The following KLF12 variants were observed in gnomAD, a reference collection of about 807,000 sequenced individuals.
KLF12 encodes Krueppel-like factor 12.
In KLF12, 9 loss-of-function variants were observed where a neutral mutation model predicts 37.8. The observed-to-expected ratio is 0.24, with a 90% confidence interval of 0.14 to 0.42. The LOEUF (loss-of-function observed/expected upper bound fraction) is 0.42. Among genes scored for constraint, KLF12 ranks in the 10% least tolerant of loss-of-function variants. The pLI, the probability that KLF12 is intolerant of heterozygous loss-of-function variation, is 1.00. For synonymous variants in KLF12, 208 were observed against 202.1 expected (o/e 1.03, Z -0.25); for missense variants, 411 against 516.0 (o/e 0.80, Z 1.97).
chr13:74,184,603 A>G, the KLF12 span, among the ~76,000 whole-genome samples: 3 of 152,246 alleles, frequency 2.0e-5, no homozygotes, highest in African/African-American at 4.8e-5. Flanking sequence ...TTTCTCCATT[A>G]TAAAATCTTC....
At chr13:74,005,913 A>G (rs970207153) in intron 1 of KLF12, among the ~76,000 whole-genome samples, 6 of 152,182 alleles carry the variant, frequency 3.9e-5, no homozygotes, top group Non-Finnish European at 7.3e-5. Context: ...ACTACATACT[A>G]CTACTTCAAG....
chr13:74,089,143 T>C (rs780128799), intron 1 of KLF12, among the ~76,000 whole-genome samples: 34 of 152,180 alleles, frequency 2.2e-4, no homozygotes, highest in Non-Finnish European at 4.3e-4. Context: ...CTATATGATA[T>C]TCATTGCTTT....
At position 73,974,310 on chromosome 13, in the gene KLF12, C is replaced by CAAAAAAAAAAA. The variant is rs61516158; in HGVS notation, c.33+20679_33+20680insTTTTTTTTTTT. ...ATCCTTAAGTCACTGAACTTCAAGA[C>CAAAAAAAAAAA]AAAAAAAAAAGAATTCTGCAGGTGT... is the stretch of plus-strand genomic sequence containing the variant. On this transcript the variant is annotated intron_variant, in intron 2 of 7. Coordinates refer to ENST00000377669, the MANE Select transcript of KLF12 (RefSeq NM_007249.5). 8.2e-4 allele frequency among the ~76,000 whole-genome samples: 120 copies of CAAAAAAAAAAA among 146,232 alleles called. 2 individuals are homozygous for CAAAAAAAAAAA. Among genetic ancestry groups the CAAAAAAAAAAA allele is most frequent in the African/African-American group, 2.6e-3 (102 of 39,208 alleles).
intron 2 of KLF12, among the ~76,000 whole-genome samples, chr13:73,974,172 A>G (rs1891432244): frequency 6.6e-6 from 1 of 152,142 alleles, no homozygotes; most frequent in South Asian, 2.1e-4. Flanking sequence ...AAAATTGGAT[A>G]GAAAAATATT....
At chr13:73,984,349 C>G (rs926011582) in intron 2 of KLF12, among the ~76,000 whole-genome samples, 6 of 152,208 alleles carry the variant, frequency 3.9e-5, no homozygotes, top group Non-Finnish European at 8.8e-5. Context: ...TGCCTGCTCT[C>G]CTCGCTGGCA....
intron 7 of KLF12, among the ~76,000 whole-genome samples, chr13:73,696,413 T>C (rs1874156321): frequency 6.6e-6 from 1 of 152,106 alleles, no homozygotes; most frequent in South Asian, 2.1e-4. Context: ...AGTCAACTTG[T>C]AAGGACAGTA....
chr13:74,115,258 T>C (rs1194195434), intron 1 of KLF12, among the ~76,000 whole-genome samples: 1 of 152,188 alleles, frequency 6.6e-6, no homozygotes, highest in African/African-American at 2.4e-5. Flanking sequence ...CCACTAACAT[T>C]TCACATAATA....
the KLF12 span, among the ~76,000 whole-genome samples, chr13:74,305,151 T>G: frequency 7.9e-5 from 12 of 152,108 alleles, no homozygotes; most frequent in Admixed American, 5.9e-4. Context: ...TTGTTTTCTG[T>G]ACTTCATGTT....
chr13:74,123,989 G>A (rs1877792123), intron 1 of KLF12, among the ~76,000 whole-genome samples: 1 of 152,008 alleles, frequency 6.6e-6, no homozygotes. Context: ...TAAACCACCA[G>A]GCACAAAGCA....
At chr13:73,956,619 T>C (rs546590078) in intron 2 of KLF12, among the ~76,000 whole-genome samples, 1 of 152,202 alleles carries the variant, frequency 6.6e-6, no homozygotes, top group Non-Finnish European at 1.5e-5. Flanking sequence ...ATGAACTCAT[T>C]AGAAAAGAAC....
chr13:74,170,284 C>G, the KLF12 span, among the ~76,000 whole-genome samples: 2 of 151,990 alleles, frequency 1.3e-5, no homozygotes, highest in Admixed American at 1.3e-4. Context: ...TGTCAGTGTC[C>G]GGAAATATAT....
At chr13:73,920,945 A>T (rs1889085045) in intron 3 of KLF12, among the ~76,000 whole-genome samples, 1 of 152,140 alleles carries the variant, frequency 6.6e-6, no homozygotes, top group Admixed American at 6.5e-5. Flanking sequence ...TTATCTGAGG[A>T]AAAGCAGTTC....
intron 5 of KLF12, among the ~76,000 whole-genome samples, chr13:73,771,149 C>A (rs2138118478): frequency 6.6e-6 from 1 of 152,262 alleles, no homozygotes; most frequent in East Asian, 1.9e-4. Flanking sequence ...GGTGAACTTG[C>A]TCTTAGTTCT....
chr13:74,102,163 A>T (rs1315871921), intron 1 of KLF12, among the ~76,000 whole-genome samples: 1 of 151,342 alleles, frequency 6.6e-6, no homozygotes, highest in East Asian at 2.0e-4. Context: ...GGTAGCAGTG[A>T]GCCAAGATTG....
At position 74,100,963 on chromosome 13, in the gene KLF12, A is replaced by T. The variant is rs553206393; in HGVS notation, c.-32+32776T>A. 7.1e-4 allele frequency among the ~76,000 whole-genome samples: 108 copies of T among 152,284 alleles called. 1 individual carries two copies. Among genetic ancestry groups the T allele is most frequent in the Middle Eastern group, 6.8e-3 (2 of 294 alleles). On this transcript the variant is annotated intron_variant, in intron 1 of 7. Transcript: ENST00000377669. ...AAATTGCCTTCAGCTCCCTGTCAGA[A>T]ATCTCATCAACCAGGGAAAATTAAT...
chr13:73,687,336 C>T lies in KLF12; in HGVS notation c.*8154G>A, dbSNP rs1416247603. 6.6e-6 allele frequency: 1 copy of T among 152,606 alleles called. No homozygotes were observed. Among genetic ancestry groups the T allele is most frequent in the African/African-American group, 2.4e-5 (1 of 41,440 alleles). 9.5% of individuals were successfully genotyped at this position (152,606 alleles called of 1,614,324 possible). ...CATGAACAAAACAATACAGTCACTA[C>T]CCCACAGGGGGACAGTGATTTTTCA... On this transcript the variant is annotated 3_prime_UTR_variant, in exon 8 of 8. Coordinates refer to ENST00000377669, the MANE Select transcript of KLF12 (RefSeq NM_007249.5).
the KLF12 span, chr13:74,259,696 A>C: frequency 6.6e-6 from 1 of 152,052 alleles, no homozygotes; most frequent in Non-Finnish European, 1.5e-5. Flanking sequence ...TTATCTACTC[A>C]ATGTTATTAA....
the KLF12 span, among the ~76,000 whole-genome samples, chr13:74,296,827 C>A: frequency 6.6e-5 from 10 of 152,148 alleles, no homozygotes; most frequent in Non-Finnish European, 1.3e-4. Context: ...GTTATCCTGT[C>A]CTGGGAACTG....
chr13:73,904,469 C>CTTTTTTTTTTTTTTTTTTTTTTTTTTTTT lies in KLF12; in HGVS notation c.123+39511_123+39512insAAAAAAAAAAAAAAAAAAAAAAAAAAAAA, dbSNP rs11342071. On this transcript the variant is annotated intron_variant, in intron 3 of 7. Transcript: ENST00000377669. ...CAGTTTCTCATGTTTTCTTTCTTTC[C>CTTTTTTTTTTTTTTTTTTTTTTTTTTTTT]TTTTTTTTTTTTTTTTTTTTTTTAC... 4.3e-5 allele frequency among the ~76,000 whole-genome samples: 4 copies of CTTTTTTTTTTTTTTTTTTTTTTTTTTTTT among 92,030 alleles called. 2 individuals are homozygous for CTTTTTTTTTTTTTTTTTTTTTTTTTTTTT. The highest frequency in any genetic ancestry group is 8.3e-5 in the Non-Finnish European group (4 of 48,338). 60.4% of individuals were successfully genotyped at this position (92,030 alleles called of 152,430 possible).
Sources: allele counts gnomAD v4.1 joint callset (sites outside exome capture counted in the v4.1 genomes callset), GRCh38; gene constraint gnomAD v4.1.1; transcripts MANE v1.5; gene names NCBI Gene and HGNC (gene_info 2026-07-23, HGNC 2026-07-21).